The following DAB1 variants were observed in gnomAD, a reference collection of about 807,000 sequenced individuals.
The protein encoded by DAB1 is disabled homolog 1.
In DAB1, 15 loss-of-function variants were observed where a neutral mutation model predicts 64.6. The observed-to-expected ratio is 0.23, with a 90% CI of 0.16 to 0.36. The LOEUF is 0.36. Among genes scored for constraint, DAB1 ranks in the 10% least tolerant of loss-of-function variants. DAB1 has a pLI of 1.00. For synonymous variants in DAB1, 235 were observed against 251.9 expected (o/e 0.93, Z 0.64); for missense variants, 596 against 706.7 (o/e 0.84, Z 1.78).
chr1:57,520,808 G>A (rs1323034861), intron 7 of DAB1, among the ~76,000 whole-genome samples: 1 of 152,024 alleles, frequency 6.6e-6, no homozygotes, highest in Admixed American at 6.6e-5. Context: ...AAAAAAGGAT[G>A]TGCAAGCAGG....
At chr1:57,972,320 T>C (rs941856464) in intron 5 of DAB1, among the ~76,000 whole-genome samples, 3 of 152,210 alleles carry the variant, frequency 2.0e-5, no homozygotes, top group Non-Finnish European at 4.4e-5. Flanking sequence ...CACTGCAGCG[T>C]TGAATTCCTT....
chr1:57,155,086 C>T (rs1260543583), intron 2 of DAB1, among the ~76,000 whole-genome samples: 1 of 152,156 alleles, frequency 6.6e-6, no homozygotes, highest in South Asian at 2.1e-4. Flanking sequence ...GGGTTACTGC[C>T]GAAGAAATTT....
rs1241369821 is a variant in DAB1 at position 58,533,933 on chromosome 1, C to T, written n.33-6598G>A. ...TCAAAGCAGTTTTTCCAAACCTGAA[C>T]ATTCATTTTAGGTACTTACAGCATG... On this transcript the variant is annotated intron_variant and non_coding_transcript_variant, in intron 1 of 20. Coordinates refer to the DAB1 transcript ENST00000485760. The T allele has an allele frequency of 3.5e-6, 3 of 867,896 alleles. No individual in the cohort carries two copies. The Admixed American group carries it at 5.1e-5, about 15-fold the overall frequency. The allele number at this position is 867,896 out of a possible 1,614,324, so 53.8% of individuals were successfully genotyped here.
chr1:57,139,014 T>C (rs1353449073), intron 3 of DAB1, among the ~76,000 whole-genome samples: 1 of 152,142 alleles, frequency 6.6e-6, no homozygotes, highest in African/African-American at 2.4e-5. Flanking sequence ...TTTAAATCTG[T>C]GTTCTCAGAT....
intron 1 of DAB1, among the ~76,000 whole-genome samples, chr1:57,373,425 T>A (rs189584615): frequency 6.6e-6 from 1 of 152,324 alleles, no homozygotes; most frequent in Non-Finnish European, 1.5e-5. Context: ...CGTGTGTGTG[T>A]ATGCCTATTG....
At chr1:57,474,368 G>T (rs76345785) in intron 7 of DAB1, among the ~76,000 whole-genome samples, 3,183 of 152,246 alleles carry the variant, frequency 0.021, 113 homozygotes, top group East Asian at 0.17. Flanking sequence ...AAACAAGTCC[G>T]ACTCCGCTCA....
In DAB1 at chr1:57,035,610, G is replaced by A. The variant is rs116090852; in HGVS notation, c.724-9567C>T. Among the ~76,000 whole-genome samples the A allele has an allele frequency of 4.5e-3, 687 of 152,218 alleles. 9 individuals carry two copies. The highest frequency in any genetic ancestry group is 0.016 in the African/African-American group (650 of 41,550). ...ATGGACCGGGTCTTGGTCACGTCAG[G>A]CCATGGATGTGCTGGCCATGTAACC... On this transcript the variant is annotated intron_variant, in intron 9 of 14. Transcript: ENST00000371236.
At chr1:57,446,110 G>A (rs779545686) in intron 7 of DAB1, among the ~76,000 whole-genome samples, 2 of 152,130 alleles carry the variant, frequency 1.3e-5, no homozygotes, top group African/African-American at 2.4e-5. Context: ...ACAGCCATTC[G>A]AGTGTGAATT....
intron 5 of DAB1, among the ~76,000 whole-genome samples, chr1:57,922,494 G>A (rs1046675394): frequency 6.6e-5 from 10 of 152,066 alleles, no homozygotes; most frequent in Admixed American, 1.3e-4. Flanking sequence ...CACAGCTTGG[G>A]AGCCTAGTAT....
chr1:58,063,856 T>C (rs916814070), intron 5 of DAB1, among the ~76,000 whole-genome samples: 1 of 152,220 alleles, frequency 6.6e-6, no homozygotes, highest in African/African-American at 2.4e-5. Context: ...TGGTGCTCTA[T>C]AGCCTGAACC....
intron 4 of DAB1, among the ~76,000 whole-genome samples, chr1:57,092,710 G>A (rs1653805938): frequency 6.6e-6 from 1 of 150,932 alleles, no homozygotes; most frequent in Non-Finnish European, 1.5e-5. Context: ...ATAACAACAT[G>A]GTGTGCCAGG....
At chr1:58,085,092 A>C (rs1650222136) in intron 5 of DAB1, among the ~76,000 whole-genome samples, 1 of 152,164 alleles carries the variant, frequency 6.6e-6, no homozygotes, top group South Asian at 2.1e-4. Flanking sequence ...TTTTATCAGG[A>C]GGAAAAAATG....
intron 7 of DAB1, among the ~76,000 whole-genome samples, chr1:57,475,644 A>G (rs1343795943): frequency 6.6e-6 from 1 of 152,172 alleles, no homozygotes; most frequent in Non-Finnish European, 1.5e-5. Context: ...AGCTCCGAGA[A>G]TAGGTGTTAT....
intron 1 of DAB1, among the ~76,000 whole-genome samples, chr1:57,347,491 T>C (rs904407987): frequency 9.9e-5 from 15 of 152,234 alleles, no homozygotes; most frequent in Non-Finnish European, 1.0e-4. Flanking sequence ...ATGTATGAGA[T>C]AATGGTCAGC....
At chr1:57,695,378 AAGAAAGAAAG>A (rs1189152947) in intron 6 of DAB1, among the ~76,000 whole-genome samples, 2 of 68,338 alleles carry the variant, frequency 2.9e-5, no homozygotes, top group Admixed American at 3.2e-4. Flanking sequence ...GAAAGAAAGA[AAGAAAGAAAG>A]AAAGAAAGAA....
At chr1:58,469,680 A>G (rs974910329) in intron 3 of DAB1, among the ~76,000 whole-genome samples, 5 of 152,174 alleles carry the variant, frequency 3.3e-5, no homozygotes, top group Non-Finnish European at 7.3e-5. Flanking sequence ...GCACTTGATA[A>G]AGAAGCTCTC....
chr1:58,174,334 T>G (rs1187870886), intron 4 of DAB1, among the ~76,000 whole-genome samples: 1 of 152,222 alleles, frequency 6.6e-6, no homozygotes, highest in Non-Finnish European at 1.5e-5. Context: ...CCCTGTATTT[T>G]TAACCTCCTT....
chr1:57,844,743 A>G (rs1051681159), intron 1 of DAB1, among the ~76,000 whole-genome samples: 1 of 152,068 alleles, frequency 6.6e-6, no homozygotes, highest in Admixed American at 6.5e-5. Flanking sequence ...AGGAAGAGAG[A>G]GATACTGGGG....
chr1:58,432,324 T>C (rs1232334187), intron 3 of DAB1, among the ~76,000 whole-genome samples: 1 of 152,246 alleles, frequency 6.6e-6, no homozygotes, highest in Non-Finnish European at 1.5e-5. Context: ...GTTTTTGGTG[T>C]ACTTGTTACA....
Sources: allele counts gnomAD v4.1 joint callset (sites outside exome capture counted in the v4.1 genomes callset), GRCh38; gene constraint gnomAD v4.1.1; transcripts MANE v1.5; gene names NCBI Gene and HGNC (gene_info 2026-07-23, HGNC 2026-07-21).